RELN: variants seen among roughly 807,000 people sequenced by gnomAD.
RELN encodes reelin.
In RELN, 108 loss-of-function variants were observed where a neutral mutation model predicts 427.6. The observed-to-expected ratio is 0.25, with a 90% CI of 0.22 to 0.30. The LOEUF is 0.30. RELN is among the 10% of genes least tolerant of loss of function. The probability of loss-of-function intolerance (pLI) is 1.00; values close to 1 mark genes in which losing one functional copy is unlikely to be tolerated. For synonymous variants in RELN, 1,524 were observed against 1,513.4 expected (o/e 1.01, Z -0.16); for missense variants, 3,715 against 4,302.8 (o/e 0.86, Z 3.82).
At chr7:103,556,340 T>A (rs1390920686) in intron 38 of RELN, among the ~76,000 whole-genome samples, 1 of 152,236 alleles carries the variant, frequency 6.6e-6, no homozygotes, top group East Asian at 1.9e-4. Flanking sequence ...GGATTATTTT[T>A]AAAAATCTTT....
chr7:103,583,962 T>C (rs1485509982), intron 28 of RELN, among the ~76,000 whole-genome samples: 5 of 152,178 alleles, frequency 3.3e-5, no homozygotes, highest in Admixed American at 2.0e-4. Context: ...GAGACCTGAA[T>C]AGCTGCAGCA....
intron 49 of RELN, among the ~76,000 whole-genome samples, chr7:103,516,194 A>G (rs1344898479): frequency 6.6e-6 from 1 of 152,110 alleles, no homozygotes; most frequent in Non-Finnish European, 1.5e-5. Context: ...AAAACCCAGG[A>G]ACATATCAAC....
At chr7:103,898,201 T>C (rs935075682) in intron 2 of RELN, among the ~76,000 whole-genome samples, 2 of 151,984 alleles carry the variant, frequency 1.3e-5, no homozygotes, top group African/African-American at 4.8e-5. Flanking sequence ...TATGGGTGTG[T>C]AGGTATTTGA....
intron 11 of RELN, among the ~76,000 whole-genome samples, chr7:103,676,652 A>G (rs894182731): frequency 5.3e-5 from 8 of 152,250 alleles, no homozygotes; most frequent in African/African-American, 1.4e-4. Flanking sequence ...AATGTCCACA[A>G]TGATAGACTG....
chr7:103,500,608 T>A (rs1014819704), intron 53 of RELN, 137 bp downstream of exon 53: 8 of 771,754 alleles, frequency 1.0e-5, no homozygotes, highest in Admixed American at 8.2e-5. Flanking sequence ...AAGACATTTT[T>A]AAAGTTTCTA....
intron 1 of RELN, among the ~76,000 whole-genome samples, chr7:103,931,385 T>A (rs10250047): frequency 0.4 from 60,436 of 151,998 alleles, 12,203 homozygotes; most frequent in South Asian, 0.52. Flanking sequence ...TATAAAGCAT[T>A]TGAGTCTTCA....
intron 8 of RELN, among the ~76,000 whole-genome samples, chr7:103,706,857 C>T (rs148102878): frequency 1.1e-3 from 167 of 152,288 alleles, no homozygotes; most frequent in African/African-American, 3.8e-3. Flanking sequence ...GATCACAGAA[C>T]AACTGAACCA....
intron 11 of RELN, among the ~76,000 whole-genome samples, chr7:103,677,304 T>C (rs1833552957): frequency 6.6e-6 from 1 of 151,076 alleles, no homozygotes; most frequent in African/African-American, 2.4e-5. Flanking sequence ...GAGAAATACC[T>C]AATGTAGGTG....
chr7:103,567,281 T>G (rs1419884326), intron 31 of RELN, among the ~76,000 whole-genome samples: 1 of 152,190 alleles, frequency 6.6e-6, no homozygotes, highest in Non-Finnish European at 1.5e-5. Context: ...TGAAATCAAA[T>G]TATTAAGTGG....
At chr7:103,875,357 T>C (rs369914859) in intron 2 of RELN, among the ~76,000 whole-genome samples, 4 of 151,574 alleles carry the variant, frequency 2.6e-5, no homozygotes, top group Non-Finnish European at 4.4e-5. Flanking sequence ...AATTGACAAA[T>C]GGGATCTAAT....
intron 3 of RELN, among the ~76,000 whole-genome samples, chr7:103,817,127 C>T (rs138788672): frequency 6.6e-6 from 1 of 152,220 alleles, no homozygotes; most frequent in Non-Finnish European, 1.5e-5. Flanking sequence ...GCTGGGATTA[C>T]AAGCACGACC....
chr7:103,844,799 G>T (rs1793635100), intron 2 of RELN, among the ~76,000 whole-genome samples: 1 of 152,184 alleles, frequency 6.6e-6, no homozygotes, highest in Non-Finnish European at 1.5e-5. Flanking sequence ...AAGTGATTAG[G>T]ATAATGTTCA....
At chr7:103,849,025 C>T (rs1408340718) in intron 2 of RELN, among the ~76,000 whole-genome samples, 1 of 152,142 alleles carries the variant, frequency 6.6e-6, no homozygotes, top group African/African-American at 2.4e-5. Context: ...CACAGCCTAC[C>T]AGGTGTGACA....
chr7:103,600,831 A>C (rs1354657086), intron 24 of RELN, among the ~76,000 whole-genome samples: 2 of 152,230 alleles, frequency 1.3e-5, no homozygotes, highest in Non-Finnish European at 2.9e-5. Flanking sequence ...ATATTCAATA[A>C]GACAAATTTG....
chr7:103,486,057 G>T, intron 61 of RELN, 140 bp downstream of exon 61: 3 of 780,414 alleles, frequency 3.8e-6, no homozygotes, highest in Non-Finnish European at 2.2e-6. Context: ...ATGCTTCCTT[G>T]TCCCAAATTC....
At position 103,753,215 on chromosome 7, in the gene RELN, C is replaced by T. The variant is rs1791051227; in HGVS notation, c.545-1G>A. 3 of 1,613,732 alleles carry T rather than the reference C, an allele frequency of 1.9e-6. No individual in the cohort carries two copies. The highest frequency in any genetic ancestry group is 2.5e-6 in the Non-Finnish European group (3 of 1,179,912). On this transcript the variant is annotated splice_acceptor_variant, in intron 4 of 64. Coordinates refer to ENST00000428762, the MANE Select transcript of RELN (RefSeq NM_005045.4). LOFTEE classifies it high-confidence loss of function. ...GGGTGCACAGTGACATCTGTTGGAG[C>T]TGAATCAAGAGAGGAAAGAAGAAAG...
chr7:103,598,270 T>C (rs1831585300), intron 24 of RELN, among the ~76,000 whole-genome samples: 1 of 152,228 alleles, frequency 6.6e-6, no homozygotes, highest in Non-Finnish European at 1.5e-5. Context: ...CAATTTTAGG[T>C]ATGTATTTGA....
Position 103,492,559 on chromosome 7 carries a change from G to A in RELN, c.9370-533C>T, listed in dbSNP as rs202002567. Reference sequence around the variant, plus strand: ...TACATAAATGCTATAAAAATTTGGTGATTCAAATTTAAGTCCTAATCATCT... The same window carrying A: ...TACATAAATGCTATAAAAATTTGGTAATTCAAATTTAAGTCCTAATCATCT... On this transcript the variant is annotated intron_variant, in intron 57 of 64. Transcript: ENST00000428762. Among the ~76,000 whole-genome samples, 54 of 152,252 alleles carry A rather than the reference G, an allele frequency of 3.5e-4. No homozygotes were observed. In the East Asian group the frequency reaches 9.3e-3, roughly 26 times the overall value.
intron 49 of RELN, among the ~76,000 whole-genome samples, chr7:103,517,326 A>AT (rs1829591993): frequency 1.3e-5 from 2 of 151,850 alleles, no homozygotes. Flanking sequence ...TTTTATCTCT[A>AT]TTTTTTCTTT....
Sources: allele counts gnomAD v4.1 joint callset (sites outside exome capture counted in the v4.1 genomes callset), GRCh38; gene constraint gnomAD v4.1.1; transcripts MANE v1.5; gene names NCBI Gene and HGNC (gene_info 2026-07-23, HGNC 2026-07-21).